The following VWC2 variants were observed in gnomAD, a reference collection of about 807,000 sequenced individuals.
VWC2 encodes the protein brorin.
In VWC2, 14 loss-of-function variants were observed where a neutral mutation model predicts 29.8. The ratio of observed to expected loss-of-function variants is 0.47; its 90% CI spans 0.31 to 0.74. The LOEUF (loss-of-function observed/expected upper bound fraction) is 0.74, where lower values mean the gene tolerates loss of function less well. VWC2 is among the 30% of genes least tolerant of loss of function. The pLI is 0.05. For missense variants in VWC2, 457 were observed against 459.8 expected (o/e 0.99, Z 0.05); for synonymous variants, 213 against 199.0 (o/e 1.07, Z -0.59).
chr7:49,825,080 A>G (rs928972608), intron 3 of VWC2, among the ~76,000 whole-genome samples: 1 of 152,112 alleles, frequency 6.6e-6, no homozygotes, highest in East Asian at 1.9e-4. Context: ...GATAATTTAT[A>G]CTGGCTTATC....
chr7:49,832,229 A>G (rs1562722466), intron 3 of VWC2, among the ~76,000 whole-genome samples: 4 of 152,210 alleles, frequency 2.6e-5, no homozygotes, highest in Admixed American at 6.5e-5. Flanking sequence ...TAGGGATACA[A>G]AAGAGTGGGA....
intron 3 of VWC2, among the ~76,000 whole-genome samples, chr7:49,821,308 T>C (rs1218821134): frequency 6.6e-6 from 1 of 152,188 alleles, no homozygotes. Context: ...TGAAGAAACA[T>C]CAGCTTCTAG....
intron 2 of VWC2, among the ~76,000 whole-genome samples, chr7:49,789,101 A>C (rs1163776029): frequency 3.9e-5 from 5 of 126,584 alleles, no homozygotes; most frequent in East Asian, 4.4e-4. Context: ...TGGGTGTGAG[A>C]GAGAGATTGA....
At chr7:49,896,716 C>G (rs945891717) in intron 3 of VWC2, among the ~76,000 whole-genome samples, 2 of 151,808 alleles carry the variant, frequency 1.3e-5, no homozygotes, top group Non-Finnish European at 2.9e-5. Context: ...GATTACAGGT[C>G]CAACAGACAT....
At position 49,778,103 on chromosome 7, in the gene VWC2, A is replaced by G. The variant is rs369435636; in HGVS notation, c.696+1972A>G. Among the ~76,000 whole-genome samples the G allele has an allele frequency of 3.3e-5, 5 of 151,756 alleles. No individual in the cohort carries two copies. In the East Asian group the frequency reaches 7.7e-4, roughly 23 times the overall value. The stretch of plus-strand genomic sequence containing the variant: ...ACCTGAGATCACAGGTAAAGGAAAT[A>G]ATTCAAACTTCTGTCTTAACAATTC... On this transcript the variant is annotated intron_variant, in intron 2 of 3. Transcript: ENST00000340652.
Position 49,919,068 on chromosome 7 carries a change from A to AT in VWC2, c.*6883_*6884insT, listed in dbSNP as rs1177863735. ...AGACTCTGTTTAAAAAAAAAAAAAA[A>AT]ATCAGTGATGGAACTGAGGCCAAAT... On this transcript the variant is annotated 3_prime_UTR_variant, in exon 4 of 4. Transcript: ENST00000340652. 2 of 151,308 alleles carry AT rather than the reference A, an allele frequency of 1.3e-5. No individual in the cohort carries two copies. Among genetic ancestry groups the AT allele is most frequent in the Non-Finnish European group, 2.9e-5 (2 of 67,928 alleles). 9.4% of individuals were successfully genotyped at this position (151,308 alleles called of 1,614,324 possible).
At chr7:49,884,595 T>G (rs1791815838) in intron 3 of VWC2, among the ~76,000 whole-genome samples, 1 of 152,112 alleles carries the variant, frequency 6.6e-6, no homozygotes, top group African/African-American at 2.4e-5. Flanking sequence ...AGACAGTGGG[T>G]CAATTTCTAT....
intron 2 of VWC2, among the ~76,000 whole-genome samples, chr7:49,796,026 G>A (rs1471750839): frequency 1.3e-5 from 2 of 152,082 alleles, no homozygotes; most frequent in Admixed American, 1.3e-4. Context: ...CTGGGAAGGG[G>A]GCAGACGATA....
intron 3 of VWC2, among the ~76,000 whole-genome samples, chr7:49,803,613 C>T (rs999922495): frequency 6.6e-5 from 10 of 152,176 alleles, no homozygotes; most frequent in African/African-American, 2.2e-4. Context: ...GGATGTTGCC[C>T]AGGGTATGCT....
At chr7:49,874,548 A>ATGTG (rs3062201) in intron 3 of VWC2, among the ~76,000 whole-genome samples, 1,682 of 147,754 alleles carry the variant, frequency 0.011, 25 homozygotes, top group African/African-American at 0.039. Context: ...ATGACTATAT[A>ATGTG]TGTGTGTGTG....
intron 3 of VWC2, among the ~76,000 whole-genome samples, chr7:49,871,248 A>G (rs1049146085): frequency 6.6e-6 from 1 of 152,214 alleles, no homozygotes; most frequent in African/African-American, 2.4e-5. Flanking sequence ...CATGTAAAAA[A>G]TTGGGCATTT....
Position 49,903,253 on chromosome 7 carries a change from CT to C in VWC2, c.827-8780del, listed in dbSNP as rs1431767734. 7.2e-5 allele frequency among the ~76,000 whole-genome samples: 11 copies of C among 152,292 alleles called. 1 individual carries two copies. Among genetic ancestry groups the C allele is most frequent in the Admixed American group, 5.9e-4 (9 of 15,298 alleles). On this transcript the variant is annotated intron_variant, in intron 3 of 3. Coordinates refer to ENST00000340652, the MANE Select transcript of VWC2 (RefSeq NM_198570.5). ...TCCAGCAATTGTGGTAGTTGTATTT[CT>C]CCTGTGCTTTCATTTAGGAGAAAGA... is the stretch of plus-strand genomic sequence containing the variant.
At chr7:49,831,487 A>G (rs964317014) in intron 3 of VWC2, among the ~76,000 whole-genome samples, 1 of 152,188 alleles carries the variant, frequency 6.6e-6, no homozygotes, top group Non-Finnish European at 1.5e-5. Flanking sequence ...TTTGTGGAAA[A>G]GGAAGTAGAT....
chr7:49,792,304 G>T (rs970609066), intron 2 of VWC2, among the ~76,000 whole-genome samples: 2 of 152,190 alleles, frequency 1.3e-5, no homozygotes, highest in African/African-American at 4.8e-5. Context: ...TCATTTTACA[G>T]ATAAAAAGAC....
intron 3 of VWC2, among the ~76,000 whole-genome samples, chr7:49,854,145 T>C (rs1309874973): frequency 6.6e-6 from 1 of 152,146 alleles, no homozygotes; most frequent in African/African-American, 2.4e-5. Context: ...TCCAAGTCTT[T>C]GCTATTGTGA....
At chr7:49,898,893 A>T (rs1416346595) in intron 3 of VWC2, among the ~76,000 whole-genome samples, 1 of 152,132 alleles carries the variant, frequency 6.6e-6, no homozygotes, top group Non-Finnish European at 1.5e-5. Flanking sequence ...TAAAGTGCTA[A>T]ATTAAAGCCA....
At chr7:49,901,754 G>A (rs773795766) in intron 3 of VWC2, among the ~76,000 whole-genome samples, 5 of 151,658 alleles carry the variant, frequency 3.3e-5, no homozygotes, top group Middle Eastern at 3.2e-3. Flanking sequence ...AGAGAAAAAC[G>A]TAGCTGAACT....
chr7:49,866,923 T>G (rs796779954), intron 3 of VWC2, among the ~76,000 whole-genome samples: 7 of 152,342 alleles, frequency 4.6e-5, no homozygotes, highest in African/African-American at 1.7e-4. Flanking sequence ...CAAAGCCACC[T>G]TCTTCTGAGG....
At chr7:49,778,344 C>G (rs1417782304) in intron 2 of VWC2, among the ~76,000 whole-genome samples, 1 of 152,198 alleles carries the variant, frequency 6.6e-6, no homozygotes, top group East Asian at 1.9e-4. Flanking sequence ...ATATTAAGTG[C>G]ATCTTCCATC....
Sources: gnomAD v4.1 joint callset for allele counts (sites outside exome capture counted in the v4.1 genomes callset) on GRCh38, gnomAD v4.1.1 for gene constraint, MANE v1.5 for transcripts, NCBI Gene and HGNC (gene_info 2026-07-23, HGNC 2026-07-21) for gene names.